The following UBAP2 variants were observed in gnomAD, a reference collection of about 807,000 sequenced individuals.
UBAP2 encodes the protein ubiquitin-associated protein 2.
A neutral mutation model predicts 139.6 loss-of-function variants in UBAP2; 75 were observed. The observed-to-expected ratio is 0.54, with a 90% CI of 0.45 to 0.65. The LOEUF (loss-of-function observed/expected upper bound fraction) is 0.65. Among genes scored for constraint, UBAP2 ranks in the 30% least tolerant of loss-of-function variants. The pLI is 0.00. For missense variants in UBAP2, 1,368 were observed against 1,369.6 expected (o/e 1.00, Z 0.02); for synonymous variants, 526 against 526.2 (o/e 1.00, Z 0.01).
chr9:33,982,376 T>C (rs1820838458), intron 6 of UBAP2, among the ~76,000 whole-genome samples: 1 of 152,168 alleles, frequency 6.6e-6, no homozygotes, highest in South Asian at 2.1e-4. Context: ...TTACGACAAC[T>C]TACTATCCAG....
intron 1 of UBAP2, among the ~76,000 whole-genome samples, chr9:34,017,730 TGCTG>T (rs1384196025): frequency 6.6e-6 from 1 of 152,040 alleles, no homozygotes; most frequent in African/African-American, 2.4e-5. Flanking sequence ...ATCGAGACCA[TGCTG>T]GCTAACACAA....
At chr9:33,981,127 TATATATATATTCTGG>T (rs1820680301) in intron 6 of UBAP2, among the ~76,000 whole-genome samples, 1 of 23,708 alleles carries the variant, frequency 4.2e-5, no homozygotes, top group Non-Finnish European at 8.4e-5. Flanking sequence ...TATATATATA[TATATATATATTCTGG>T]ATATATATAT....
chr9:33,942,359 G>C (rs1825299948), intron 15 of UBAP2, among the ~76,000 whole-genome samples: 1 of 151,988 alleles, frequency 6.6e-6, no homozygotes, highest in African/African-American at 2.4e-5. Context: ...CCAGGTGTTT[G>C]AGACCATCTT....
intron 17 of UBAP2, among the ~76,000 whole-genome samples, chr9:33,934,583 C>T (rs1336039376): frequency 6.6e-6 from 1 of 152,162 alleles, no homozygotes; most frequent in Non-Finnish European, 1.5e-5. Flanking sequence ...ACCACAGATA[C>T]ACCTCACCTA....
chr9:34,003,492 G>A (rs1053573746), intron 2 of UBAP2, among the ~76,000 whole-genome samples: 7 of 149,590 alleles, frequency 4.7e-5, no homozygotes, highest in South Asian at 2.1e-4. Context: ...TGCAACCTCC[G>A]CTTCCCAGGT....
chr9:34,022,919 C>T (rs1046190224), intron 1 of UBAP2, among the ~76,000 whole-genome samples: 1 of 152,000 alleles, frequency 6.6e-6, no homozygotes, highest in Non-Finnish European at 1.5e-5. Flanking sequence ...TGTTTATTCT[C>T]AGTGACCCCA....
chr9:34,038,492 C>A (rs552294487), intron 1 of UBAP2, among the ~76,000 whole-genome samples: 1 of 152,320 alleles, frequency 6.6e-6, no homozygotes, highest in Admixed American at 6.5e-5. Flanking sequence ...GCTGTGTTGG[C>A]CGGGCTGGTC....
chr9:33,922,817 A>C lies in UBAP2; in HGVS notation c.3134T>G (p.Leu1045Trp), dbSNP rs756486152. Residue 1045 changes from leucine to tryptophan, a missense_variant, in exon 28 of 29, where the codon TTG becomes TGG. Transcript: ENST00000379238. ...TPPPFSLPSV[L>W]GSTGPLASGA... is the part of the protein sequence containing the mutation. Reference sequence around the variant, plus strand: ...CGAGGCCAGGGGCCCAGTGGAGCCCAAGACCGAGGGCAGGCTGAAAGGTGG... The same window carrying C: ...CGAGGCCAGGGGCCCAGTGGAGCCCCAGACCGAGGGCAGGCTGAAAGGTGG... 6.4e-7 allele frequency: 1 copy of C among 1,572,798 alleles called. No individual in the cohort carries two copies. The highest frequency in any genetic ancestry group is 8.6e-7 in the Non-Finnish European group (1 of 1,158,048).
intron 1 of UBAP2, among the ~76,000 whole-genome samples, chr9:34,046,457 C>G (rs577213800): frequency 3.9e-4 from 60 of 152,006 alleles, no homozygotes; most frequent in African/African-American, 1.4e-3. Flanking sequence ...TCCCGGCTAA[C>G]ACAGTGAAAC....
intron 1 of UBAP2, among the ~76,000 whole-genome samples, chr9:34,043,994 G>A (rs1827329718): frequency 6.6e-6 from 1 of 150,788 alleles, no homozygotes; most frequent in African/African-American, 2.4e-5. Context: ...AGAGCACGGT[G>A]GCAGGCTAAT....
intron 21 of UBAP2, 120 bp downstream of exon 21, chr9:33,926,869 G>T: frequency 9.4e-7 from 1 of 1,061,014 alleles, no homozygotes; most frequent in Non-Finnish European, 1.4e-6. Context: ...AGACGGGGGT[G>T]CTCAGGGATG....
At chr9:34,014,553 C>T (rs935255319) in intron 2 of UBAP2, among the ~76,000 whole-genome samples, 1 of 151,832 alleles carries the variant, frequency 6.6e-6, no homozygotes, top group African/African-American at 2.4e-5. Context: ...CGCTTGAACC[C>T]AGGAGGCGGA....
At chr9:33,962,682 A>G (rs1303193675) in intron 9 of UBAP2, among the ~76,000 whole-genome samples, 1 of 150,080 alleles carries the variant, frequency 6.7e-6, no homozygotes, top group East Asian at 1.9e-4. Flanking sequence ...ATAAATAAAT[A>G]ATTAAAAAAT....
chr9:34,006,588 A>T (rs1823240359), intron 2 of UBAP2, among the ~76,000 whole-genome samples: 1 of 152,056 alleles, frequency 6.6e-6, no homozygotes, highest in South Asian at 2.1e-4. Context: ...AGGTAGGAGG[A>T]TTATCTGAGT....
chr9:33,981,264 GATATATATATATATTCTGGAT>G (rs1820729680), intron 6 of UBAP2, among the ~76,000 whole-genome samples: 1 of 70,672 alleles, frequency 1.4e-5, no homozygotes, highest in African/African-American at 6.7e-5. Context: ...ATATATTCTG[GATATATATATATATTCTGGAT>G]ATATATATAT....
chr9:34,000,792 G>A (rs1822633084), intron 2 of UBAP2, among the ~76,000 whole-genome samples: 1 of 152,148 alleles, frequency 6.6e-6, no homozygotes, highest in Non-Finnish European at 1.5e-5. Context: ...GCCTTTCCAG[G>A]CCATGTGGGT....
intron 19 of UBAP2, among the ~76,000 whole-genome samples, chr9:33,931,483 G>C (rs183344547): frequency 1.3e-5 from 2 of 152,108 alleles, no homozygotes; most frequent in Non-Finnish European, 2.9e-5. Context: ...GCAGTGGCAC[G>C]GACACAGAGG....
At chr9:33,966,070 AGT>A (rs1827428394) in intron 8 of UBAP2, among the ~76,000 whole-genome samples, 1 of 151,900 alleles carries the variant, frequency 6.6e-6, no homozygotes, top group South Asian at 2.1e-4. Context: ...AAAATCAGGG[AGT>A]GTGGGTCTTA....
intron 6 of UBAP2, among the ~76,000 whole-genome samples, chr9:33,980,487 C>T (rs548683295): frequency 1.5e-4 from 23 of 151,638 alleles, no homozygotes; most frequent in Admixed American, 1.1e-3. Flanking sequence ...GTGATCTGCC[C>T]GCCTTGGCCT....
Sources: gnomAD v4.1 joint callset for allele counts (sites outside exome capture counted in the v4.1 genomes callset) on GRCh38, gnomAD v4.1.1 for gene constraint, MANE v1.5 for transcripts, NCBI Gene and HGNC (gene_info 2026-07-23, HGNC 2026-07-21) for gene names.